Variants in GRM5 observed in about 807,000 individuals in gnomAD.
GRM5 encodes the protein glutamate metabotropic receptor 5.
In GRM5, 19 loss-of-function variants were observed where a neutral mutation model predicts 83.1. The ratio of observed to expected loss-of-function variants is 0.23; its 90% confidence interval spans 0.16 to 0.34. The LOEUF (loss-of-function observed/expected upper bound fraction) is 0.34, where lower values mean the gene tolerates loss of function less well. Among genes scored for constraint, GRM5 ranks in the 10% least tolerant of loss-of-function variants. GRM5 has a pLI of 1.00. For synonymous variants in GRM5, 675 were observed against 633.6 expected (o/e 1.07, Z -0.98); for missense variants, 1,160 against 1,588.3 (o/e 0.73, Z 4.58).
At chr11:88,901,405 A>G (rs887599073) in intron 2 of GRM5, among the ~76,000 whole-genome samples, 5 of 152,162 alleles carry the variant, frequency 3.3e-5, no homozygotes, top group African/African-American at 1.2e-4. Context: ...TACAATTTCA[A>G]TGTTAGGAAA....
intron 3 of GRM5, among the ~76,000 whole-genome samples, chr11:88,691,035 G>C (rs1940769002): frequency 6.6e-6 from 1 of 152,146 alleles, no homozygotes; most frequent in Admixed American, 6.6e-5. Flanking sequence ...CTGCCTTTAA[G>C]GTCTTCTGTA....
intron 7 of GRM5, among the ~76,000 whole-genome samples, chr11:88,577,575 A>T (rs1338043438): frequency 6.6e-6 from 1 of 152,126 alleles, no homozygotes; most frequent in Non-Finnish European, 1.5e-5. Flanking sequence ...TCTGCTAGTC[A>T]TTGTATTGAA....
chr11:88,606,941 G>GT (rs36065663), intron 4 of GRM5, among the ~76,000 whole-genome samples: 2,146 of 128,162 alleles, frequency 0.017, 18 homozygotes, highest in African/African-American at 0.027. Context: ...TAAGAAAGGT[G>GT]TTTTTTTTTT....
At chr11:88,581,231 T>C (rs1943208306) in intron 7 of GRM5, among the ~76,000 whole-genome samples, 1 of 152,246 alleles carries the variant, frequency 6.6e-6, no homozygotes, top group Non-Finnish European at 1.5e-5. Context: ...TTTTCATCAC[T>C]ATATTTTAAA....
At chr11:88,605,874 G>T in intron 4 of GRM5, among the ~76,000 whole-genome samples, 1 of 152,136 alleles carries the variant, frequency 6.6e-6, no homozygotes. Context: ...CCGAGTGAGG[G>T]ACATCATGCT....
chr11:89,032,152 C>T (rs1415958456), intron 2 of GRM5, among the ~76,000 whole-genome samples: 1 of 151,974 alleles, frequency 6.6e-6, no homozygotes, highest in Non-Finnish European at 1.5e-5. Flanking sequence ...ACTGCCTGGA[C>T]ACCTGATAAA....
intron 2 of GRM5, among the ~76,000 whole-genome samples, chr11:89,021,536 C>T (rs993139406): frequency 8.5e-5 from 13 of 152,158 alleles, no homozygotes; most frequent in African/African-American, 3.1e-4. Flanking sequence ...ATTAACTGCA[C>T]AGCTCAGCAC....
At chr11:88,843,067 C>T (rs1944232409) in intron 3 of GRM5, among the ~76,000 whole-genome samples, 1 of 152,120 alleles carries the variant, frequency 6.6e-6, no homozygotes, top group Non-Finnish European at 1.5e-5. Context: ...CTTTTTATTG[C>T]ACTTGATTTT....
intron 3 of GRM5, among the ~76,000 whole-genome samples, chr11:88,699,202 A>G (rs1940970934): frequency 1.3e-5 from 2 of 152,178 alleles, no homozygotes; most frequent in Admixed American, 1.3e-4. Flanking sequence ...CATTCTTTAC[A>G]TGGGTCAGCT....
chr11:89,039,069 C>A (rs1322741242), intron 2 of GRM5, among the ~76,000 whole-genome samples: 2 of 151,852 alleles, frequency 1.3e-5, no homozygotes, highest in Non-Finnish European at 2.9e-5. Flanking sequence ...ATCAAGAACA[C>A]CCTGACTAAC....
intron 1 of GRM5, among the ~76,000 whole-genome samples, chr11:89,064,442 C>T (rs1158567651): frequency 6.6e-6 from 1 of 152,214 alleles, no homozygotes; most frequent in Admixed American, 6.5e-5. Flanking sequence ...CTCATTTCCA[C>T]AGACCTCTCA....
chr11:88,936,152 C>G (rs1937885502), intron 2 of GRM5, among the ~76,000 whole-genome samples: 2 of 151,804 alleles, frequency 1.3e-5, no homozygotes, highest in South Asian at 2.1e-4. Flanking sequence ...CTTGTCTCAG[C>G]CAACAGCAGC....
chr11:88,798,668 G>A (rs1284153927), intron 3 of GRM5, among the ~76,000 whole-genome samples: 1 of 151,912 alleles, frequency 6.6e-6, no homozygotes, highest in Non-Finnish European at 1.5e-5. Flanking sequence ...AGCCTGTGGT[G>A]TTGTAAAAGT....
intron 8 of GRM5, among the ~76,000 whole-genome samples, chr11:88,555,728 T>C (rs1270005415): frequency 6.6e-6 from 1 of 152,172 alleles, no homozygotes; most frequent in Non-Finnish European, 1.5e-5. Flanking sequence ...CTTATGCACC[T>C]GAGAGATGCT....
At chr11:88,809,462 C>T (rs1943552534) in intron 3 of GRM5, among the ~76,000 whole-genome samples, 1 of 152,004 alleles carries the variant, frequency 6.6e-6, no homozygotes. Flanking sequence ...TTCCTTTGGT[C>T]AGCCAGGCAC....
chr11:88,519,627 A>G (rs556252214), intron 9 of GRM5, among the ~76,000 whole-genome samples: 1 of 152,174 alleles, frequency 6.6e-6, no homozygotes. Flanking sequence ...ATGGGAGAAC[A>G]TGAATTTTAA....
intron 5 of GRM5, among the ~76,000 whole-genome samples, chr11:88,600,290 C>G (rs1937944200): frequency 6.8e-6 from 1 of 146,868 alleles, no homozygotes; most frequent in East Asian, 2.1e-4. Flanking sequence ...CTCCCTCTCC[C>G]CCACCCCTTC....
intron 9 of GRM5, among the ~76,000 whole-genome samples, chr11:88,514,344 C>G (rs1474524211): frequency 6.6e-6 from 1 of 152,074 alleles, no homozygotes; most frequent in African/African-American, 2.4e-5. Flanking sequence ...ATGACACTTT[C>G]TATCTTTATT....
chr11:88,794,356 C>T (rs2135478396), intron 3 of GRM5, among the ~76,000 whole-genome samples: 1 of 152,280 alleles, frequency 6.6e-6, no homozygotes, highest in African/African-American at 2.4e-5. Flanking sequence ...ATTCTGTGGA[C>T]ACTTTTTGTT....
Sources: gnomAD v4.1 joint callset for allele counts (sites outside exome capture counted in the v4.1 genomes callset) on GRCh38, gnomAD v4.1.1 for gene constraint, MANE v1.5 for transcripts, NCBI Gene and HGNC (gene_info 2026-07-23, HGNC 2026-07-21) for gene names.